The following ANO4 variants were observed in gnomAD, a reference collection of about 807,000 sequenced individuals.
The protein encoded by ANO4 is anoctamin-4.
In ANO4, 69 loss-of-function variants were observed where a neutral mutation model predicts 141.9. The ratio of observed to expected loss-of-function variants is 0.49; its 90% CI spans 0.40 to 0.59. ANO4 has a LOEUF of 0.59. Among genes scored for constraint, ANO4 ranks in the 20% least tolerant of loss-of-function variants. The pLI, the probability that ANO4 is intolerant of heterozygous loss-of-function variation, is 0.00. For synonymous variants in ANO4, 350 were observed against 394.3 expected, an observed-to-expected ratio of 0.89 and a Z score of 1.33; for missense variants, 894 against 1,162.2, an observed-to-expected ratio of 0.77 and a Z score of 3.36.
intron 1 of ANO4, among the ~76,000 whole-genome samples, chr12:100,866,806 T>C (rs1489283165): frequency 6.6e-6 from 1 of 152,178 alleles, no homozygotes; most frequent in Non-Finnish European, 1.5e-5. Context: ...CTGATACCTC[T>C]CCTTGTTCCT....
intron 14 of ANO4, among the ~76,000 whole-genome samples, chr12:101,074,931 A>AGCTGTGC (rs1357939824): frequency 6.6e-6 from 1 of 152,198 alleles, no homozygotes; most frequent in Non-Finnish European, 1.5e-5. Flanking sequence ...CTCTGAAGGT[A>AGCTGTGC]TAAAGACAAC....
chr12:100,943,085 C>T (rs1382902969), intron 5 of ANO4, among the ~76,000 whole-genome samples: 1 of 152,144 alleles, frequency 6.6e-6, no homozygotes, highest in Non-Finnish European at 1.5e-5. Context: ...TTGGTTCTTC[C>T]CCTTCCTTCC....
chr12:100,890,174 A>G (rs998411862), intron 1 of ANO4, among the ~76,000 whole-genome samples: 2 of 152,200 alleles, frequency 1.3e-5, no homozygotes, highest in Admixed American at 1.3e-4. Flanking sequence ...TATTTGAAGT[A>G]TGAATTTAAA....
chr12:100,747,891 C>T (rs1234748890), intron 3 of ANO4, among the ~76,000 whole-genome samples: 1 of 152,120 alleles, frequency 6.6e-6, no homozygotes, highest in Non-Finnish European at 1.5e-5. Flanking sequence ...AACAAACAAA[C>T]AATACTAATG....
chr12:100,989,857 T>C (rs2044995787), intron 8 of ANO4, among the ~76,000 whole-genome samples: 1 of 149,388 alleles, frequency 6.7e-6, no homozygotes, highest in Admixed American at 6.6e-5. Flanking sequence ...GGTATACACA[T>C]GGATAGGTCA....
chr12:100,861,804 G>C (rs2138046), intron 1 of ANO4, among the ~76,000 whole-genome samples: 1 of 152,084 alleles, frequency 6.6e-6, no homozygotes, highest in African/African-American at 2.4e-5. Context: ...TCCTTTCATT[G>C]CATTCTTATT....
chr12:100,990,784 G>A (rs1210303005), intron 8 of ANO4, among the ~76,000 whole-genome samples: 2 of 152,128 alleles, frequency 1.3e-5, no homozygotes, highest in Non-Finnish European at 2.9e-5. Flanking sequence ...GCTTGATATG[G>A]GTCTTGAAGG....
chr12:100,816,396 A>G (rs2035742690), intron 1 of ANO4, among the ~76,000 whole-genome samples: 1 of 152,064 alleles, frequency 6.6e-6, no homozygotes. Context: ...TCAGTTGAGA[A>G]TGGGTCAAAG....
At chr12:100,915,815 A>G (rs2136081708) in intron 2 of ANO4, among the ~76,000 whole-genome samples, 1 of 152,296 alleles carries the variant, frequency 6.6e-6, no homozygotes, top group Admixed American at 6.5e-5. Flanking sequence ...TTATTATTTA[A>G]TGAGTCAAGG....
intron 2 of ANO4, among the ~76,000 whole-genome samples, chr12:100,918,056 A>G (rs73389671): frequency 0.047 from 7,084 of 152,276 alleles, 568 homozygotes; most frequent in African/African-American, 0.16. Context: ...GGCAGTTGCA[A>G]TGGCTCACGC....
intron 1 of ANO4, among the ~76,000 whole-genome samples, chr12:100,725,400 G>T (rs1338209396): frequency 7.0e-6 from 1 of 142,378 alleles, no homozygotes; most frequent in Admixed American, 7.4e-5. Context: ...AGGCTGGAGT[G>T]CAGTGGCGCG....
upstream of ANO4, among the ~76,000 whole-genome samples, chr12:100,794,329 G>A (rs1416779380): frequency 1.3e-5 from 2 of 152,202 alleles, no homozygotes; most frequent in African/African-American, 4.8e-5. Context: ...GGGACTTCAA[G>A]TCTGGCTTCT....
Position 101,111,653 on chromosome 12 carries a change from G to A in ANO4, c.2393G>A (p.Arg798His), listed in dbSNP as rs765241694. 22 of 1,612,888 alleles carry A rather than the reference G, an allele frequency of 1.4e-5. No individual in the cohort carries two copies. Among genetic ancestry groups the A allele is most frequent in the Admixed American group, 3.3e-5 (2 of 59,824 alleles). Reference protein sequence around the residue: ...VIAITSDFIPRLVYAYKYGPC... With the variant: ...VIAITSDFIPHLVYAYKYGPC... ...GCGATAACATCTGACTTTATCCCTC[G>A]CTTGGTGTATGCTTATAAGTATGGA... Residue 798 changes from arginine to histidine, a missense_variant, in exon 24 of 28, where the codon CGC becomes CAC. Arg to His is a conservative substitution (Grantham distance 29). This residue lies in a region of ANO4 where 637 missense variants were observed against 909.2 expected (regional missense o/e 0.70). Transcript: ENST00000392977.
chr12:100,965,882 T>A (rs1301584310), intron 5 of ANO4, among the ~76,000 whole-genome samples: 1 of 152,296 alleles, frequency 6.6e-6, no homozygotes, highest in Admixed American at 6.5e-5. Context: ...TGCTTATTTG[T>A]TGTCTGATGT....
At chr12:100,782,170 T>A (rs1046811984) in intron 3 of ANO4, among the ~76,000 whole-genome samples, 1 of 152,180 alleles carries the variant, frequency 6.6e-6, no homozygotes, top group African/African-American at 2.4e-5. Context: ...TGATCTCCAC[T>A]CTTCACTATT....
intron 1 of ANO4, among the ~76,000 whole-genome samples, chr12:100,844,064 G>A (rs2037428258): frequency 6.6e-6 from 1 of 151,938 alleles, no homozygotes; most frequent in South Asian, 2.1e-4. Context: ...TACTGTTCTG[G>A]GCATTAGAAT....
intron 1 of ANO4, among the ~76,000 whole-genome samples, chr12:100,806,011 T>C (rs767569304): frequency 6.6e-6 from 1 of 152,154 alleles, no homozygotes; most frequent in African/African-American, 2.4e-5. Context: ...ATGTTCTTTT[T>C]CTCTGTTGCC....
intron 2 of ANO4, among the ~76,000 whole-genome samples, chr12:100,737,212 T>C (rs2031654396): frequency 6.6e-6 from 1 of 152,196 alleles, no homozygotes; most frequent in Non-Finnish European, 1.5e-5. Flanking sequence ...ATTAGGCTGC[T>C]CAGTGACATT....
intron 19 of ANO4, 39 bp from the exon 20 acceptor site, chr12:101,097,612 C>T: frequency 6.3e-7 from 1 of 1,595,156 alleles, no homozygotes; most frequent in Non-Finnish European, 8.6e-7. Context: ...AAGCTTGGAC[C>T]TAGAGCACTA....
Sources: allele counts gnomAD v4.1 joint callset (sites outside exome capture counted in the v4.1 genomes callset), GRCh38; gene constraint gnomAD v4.1.1; regional missense constraint gnomAD v4.1.1; transcripts MANE v1.5; gene names NCBI Gene and HGNC (gene_info 2026-07-23, HGNC 2026-07-21).